Variants in SCN8A observed in about 807,000 individuals in gnomAD.
SCN8A encodes the protein sodium voltage-gated channel alpha subunit 8, also known as sodium channel protein type 8 subunit alpha.
Under a neutral mutation model 184.1 loss-of-function variants are expected in SCN8A, and 30 were observed. That is an observed-to-expected ratio of 0.16 (90% CI 0.12 to 0.22). The LOEUF (loss-of-function observed/expected upper bound fraction) is 0.22. Ranked by LOEUF, SCN8A falls within the 10% of genes least tolerant of loss-of-function variation. The pLI is 1.00. For synonymous variants in SCN8A, 852 were observed against 907.0 expected (o/e 0.94, Z 1.09); for missense variants, 1,057 against 2,498.9 (o/e 0.42, Z 12.30).
intron 1 of SCN8A, among the ~76,000 whole-genome samples, chr12:51,629,012 C>T (rs1305949239): frequency 1.3e-5 from 2 of 152,162 alleles, no homozygotes; most frequent in Non-Finnish European, 2.9e-5. Context: ...GATGCAGTAG[C>T]TATCTTCTGA....
At chr12:51,648,003 C>T (rs1177522850) in intron 1 of SCN8A, among the ~76,000 whole-genome samples, 1 of 151,502 alleles carries the variant, frequency 6.6e-6, no homozygotes, top group Non-Finnish European at 1.5e-5. Flanking sequence ...AAATCTTTCC[C>T]TTGAGGAGCA....
intron 1 of SCN8A, among the ~76,000 whole-genome samples, chr12:51,636,611 G>C: frequency 6.6e-6 from 1 of 152,144 alleles, no homozygotes; most frequent in East Asian, 1.9e-4. Context: ...CCTCAAAACC[G>C]CTGGGTCTGT....
intron 2 of SCN8A, among the ~76,000 whole-genome samples, chr12:51,664,592 CCTT>C (rs1940995020): frequency 6.6e-6 from 1 of 152,134 alleles, no homozygotes; most frequent in Non-Finnish European, 1.5e-5. Context: ...AAGAAAAAAA[CCTT>C]CTCAAAACTA....
chr12:51,753,468 T>C (rs531442910), intron 14 of SCN8A, among the ~76,000 whole-genome samples: 12 of 152,346 alleles, frequency 7.9e-5, no homozygotes, highest in Middle Eastern at 3.4e-3. Context: ...TAAGTGTCTA[T>C]TCACTGAGTG....
chr12:51,765,627 TTGAG>T (rs764885406), intron 15 of SCN8A, 40 bp from the exon 16 acceptor site: 28 of 1,148,352 alleles, frequency 2.4e-5, no homozygotes, highest in South Asian at 4.8e-5. Flanking sequence ...AGAAAATTGA[TTGAG>T]TATCATTTAT....
At chr12:51,777,418 C>T (rs1195588281) in intron 20 of SCN8A, among the ~76,000 whole-genome samples, 1 of 152,136 alleles carries the variant, frequency 6.6e-6, no homozygotes, top group Admixed American at 6.5e-5. Context: ...TGCCAAGGCG[C>T]CCAGCTTGAT....
chr12:51,675,082 T>G (rs1454249816), intron 2 of SCN8A, among the ~76,000 whole-genome samples: 2 of 152,208 alleles, frequency 1.3e-5, no homozygotes, highest in African/African-American at 2.4e-5. Flanking sequence ...TGCTCTTGCT[T>G]AGAGCAACTG....
intron 26 of SCN8A, among the ~76,000 whole-genome samples, chr12:51,803,756 G>A (rs1173471804): frequency 6.6e-6 from 1 of 152,054 alleles, no homozygotes; most frequent in Non-Finnish European, 1.5e-5. Flanking sequence ...TGATTTAATT[G>A]AGAAGCTGAG....
At chr12:51,684,383 G>T in intron 3 of SCN8A, 91 bp downstream of exon 3, 2 of 727,454 alleles carry the variant, frequency 2.7e-6, no homozygotes, top group Non-Finnish European at 2.5e-6. Context: ...TATATGTTAA[G>T]TTTTTTACTG....
intron 21 of SCN8A, among the ~76,000 whole-genome samples, chr12:51,783,233 C>T (rs190748561): frequency 2.0e-4 from 30 of 152,138 alleles, no homozygotes; most frequent in African/African-American, 6.5e-4. Context: ...TTTGGCTAAG[C>T]GTATAGTAAG....
chr12:51,753,362 G>A (rs1168732267), intron 14 of SCN8A, among the ~76,000 whole-genome samples: 1 of 152,164 alleles, frequency 6.6e-6, no homozygotes, highest in Non-Finnish European at 1.5e-5. Context: ...CAAGAATGGT[G>A]CCTCGATGTG....
At position 51,619,216 on chromosome 12, in the gene SCN8A, C is replaced by G. The variant is rs543289246; in HGVS notation, c.-55+27857C>G. ...CCATATCAGTGTCCAGAGAAGGCCT[C>G]GTTCTTTTTAGCAGCTGTGCAGAAT... On this transcript the variant is annotated intron_variant, in intron 1 of 26. Coordinates refer to ENST00000627620, the MANE Select transcript of SCN8A (RefSeq NM_001330260.2). Among the ~76,000 whole-genome samples the G allele has an allele frequency of 1.3e-3, 193 of 152,232 alleles. 1 individual carries two copies. Among genetic ancestry groups the G allele is most frequent in the African/African-American group, 4.5e-3 (188 of 41,516 alleles).
intron 1 of SCN8A, among the ~76,000 whole-genome samples, chr12:51,651,784 T>C (rs1274386255): frequency 3.3e-5 from 5 of 152,210 alleles, no homozygotes; most frequent in Non-Finnish European, 4.4e-5. Context: ...GCCACTTTTC[T>C]TTTTGTTCCA....
chr12:51,699,845 A>G (rs1941655109), intron 7 of SCN8A, 54 bp downstream of exon 7: 2 of 1,479,524 alleles, frequency 1.4e-6, no homozygotes, highest in Admixed American at 1.9e-5. Context: ...CCTAGTTCAC[A>G]TGGTCAGAAG....
At chr12:51,737,778 G>A (rs951419239) in intron 12 of SCN8A, among the ~76,000 whole-genome samples, 1 of 152,230 alleles carries the variant, frequency 6.6e-6, no homozygotes, top group African/African-American at 2.4e-5. Flanking sequence ...ACCATTCACA[G>A]TGTTGCTCAG....
intron 26 of SCN8A, among the ~76,000 whole-genome samples, chr12:51,803,183 C>G (rs752645391): frequency 6.6e-6 from 1 of 152,060 alleles, no homozygotes; most frequent in African/African-American, 2.4e-5. Flanking sequence ...GCCAAAGGCC[C>G]GAGAGCCCCT....
intron 1 of SCN8A, among the ~76,000 whole-genome samples, chr12:51,601,125 T>G (rs1038466716): frequency 6.6e-6 from 1 of 152,172 alleles, no homozygotes; most frequent in Non-Finnish European, 1.5e-5. Flanking sequence ...TATACAATAG[T>G]CTCTTGGAAA....
Position 51,736,177 on chromosome 12 carries a change from T to C in SCN8A, c.1999-9726T>C, listed in dbSNP as rs144052328. ...TATGGGATACCAGTAATGTGTTTAA[T>C]ATTCCACATAGAGAAAAATGTAGCT... On this transcript the variant is annotated intron_variant, in intron 12 of 26. Coordinates refer to ENST00000627620, the MANE Select transcript of SCN8A (RefSeq NM_001330260.2). Among the ~76,000 whole-genome samples, 950 of 152,334 alleles carry C rather than the reference T, an allele frequency of 6.2e-3. 8 individuals carry two copies. Among genetic ancestry groups the C allele is most frequent in the African/African-American group, 0.02 (820 of 41,580 alleles).
intron 1 of SCN8A, among the ~76,000 whole-genome samples, chr12:51,625,941 C>T (rs1267945265): frequency 6.6e-6 from 1 of 152,058 alleles, no homozygotes; most frequent in East Asian, 1.9e-4. Flanking sequence ...ATAAAGGTGA[C>T]TCAGTGACTA....
Sources: gnomAD v4.1 joint callset for allele counts (sites outside exome capture counted in the v4.1 genomes callset) on GRCh38, gnomAD v4.1.1 for gene constraint, MANE v1.5 for transcripts, NCBI Gene and HGNC (gene_info 2026-07-23, HGNC 2026-07-21) for gene names.